The following FAM110D variants were observed in gnomAD, a reference collection of about 807,000 sequenced individuals.
The protein encoded by FAM110D is protein FAM110D.
For synonymous variants in FAM110D, 174 were observed against 189.4 expected (o/e 0.92, Z 0.67); for missense variants, 376 against 395.6 (o/e 0.95, Z 0.42).
chr1:26,161,999 G>A lies in FAM110D; in HGVS notation c.708G>A (p.Ala236=). 8.1e-7 allele frequency: 1 copy of A among 1,235,726 alleles called. No homozygotes were observed. The highest frequency in any genetic ancestry group is 1.0e-6 in the Non-Finnish European group (1 of 993,312). 76.5% of individuals were successfully genotyped at this position (1,235,726 alleles called of 1,614,324 possible). Residue 236 remains alanine, a synonymous_variant, in exon 2 of 2, where the codon GCG becomes GCA. Transcript: ENST00000374268. The surrounding 1 kb of genome is among the most constrained non-coding windows in gnomAD (Gnocchi z 5.4). The part of the protein sequence containing the change: ...GGGGSEAAGS[A]RDRRPPVSVV... ...GCGGCTCGGAGGCAGCGGGCTCGGC[G>A]CGGGACCGGCGCCCCCCGGTGTCGG...
rs1480955400 is a variant in FAM110D, at chr1:26,161,952, C to CCGGGCGGCG, written c.671_679dup (p.Ala224_Gly226dup). The CCGGGCGGCG allele has an allele frequency of 4.3e-5, 54 of 1,252,518 alleles. No homozygotes were observed. Among genetic ancestry groups the CCGGGCGGCG allele is most frequent in the Non-Finnish European group, 5.1e-5 (51 of 1,003,650 alleles). 77.6% of individuals were successfully genotyped at this position (1,252,518 alleles called of 1,614,324 possible). The stretch of plus-strand genomic sequence containing the variant: ...ATCCAGCGACAGGGGCGTGGACAGC[C>CCGGGCGGCG]CGGGCGGCGCGGGCGGCGGCGGCGG... On this transcript the variant is annotated inframe_insertion, in exon 2 of 2. Coordinates refer to ENST00000374268, the MANE Select transcript of FAM110D (RefSeq NM_024869.3). The surrounding 1 kb of genome is among the most constrained non-coding windows in gnomAD (Gnocchi z 5.4).
rs79096711 is a variant in FAM110D, at chr1:26,160,071, A to G, written c.-81+945A>G. ...TTATAGCAGCGGGAATACACGCAAA[A>G]TATCAGTGAGTTCTTTTTTTTTTTC... On this transcript the variant is annotated intron_variant, in intron 1 of 1. Transcript: ENST00000374268. 7.1e-3 allele frequency among the ~76,000 whole-genome samples: 1,083 copies of G among 151,908 alleles called. 23 individuals are homozygous for G. Among genetic ancestry groups the G allele is most frequent in the Admixed American group, 0.039 (590 of 15,248 alleles).
In FAM110D at chr1:26,161,756, C is replaced by G; in HGVS notation, c.465C>G (p.Cys155Trp). The G allele has an allele frequency of 6.5e-7, 1 of 1,549,324 alleles. No individual in the cohort carries two copies. Among genetic ancestry groups the G allele is most frequent in the Non-Finnish European group, 8.7e-7 (1 of 1,146,980 alleles). The change falls in exon 2 of 2, where the codon TGC becomes TGG. Residue 155 changes from cysteine (C) to tryptophan (W), a missense_variant. Transcript: ENST00000374268. This position sits in a 1 kb window ranked among gnomAD's most constrained non-coding sequence, Gnocchi z 5.4. Reference protein sequence around the residue: ...AAGKRALCPTCSLPLSEKERF... With the variant: ...AAGKRALCPTWSLPLSEKERF... ...GAAAGCGGGCGCTGTGTCCCACGTG[C>G]TCGCTGCCCCTGTCGGAGAAGGAGC...
intron 1 of FAM110D, among the ~76,000 whole-genome samples, chr1:26,160,124 C>T (rs545023970): frequency 5.3e-5 from 8 of 150,274 alleles, no homozygotes; most frequent in African/African-American, 2.0e-4. Context: ...CGGAGTCTCG[C>T]TCTGTTGCCC....
At position 26,161,391 on chromosome 1, in the gene FAM110D, G is replaced by T. The variant is rs752075305; in HGVS notation, c.100G>T (p.Val34Leu). Reference sequence around the variant, plus strand: ...AGCCAAGTATGTCAAGACGCACCAGGTGATAGCTAGGCGACAGGAGCCAGC... The same window carrying T: ...AGCCAAGTATGTCAAGACGCACCAGTTGATAGCTAGGCGACAGGAGCCAGC... The part of the protein sequence containing the change: ...DKAKYVKTHQ[V>L]IARRQEPALR... The change falls in exon 2 of 2, where the codon GTG (valine) becomes TTG (leucine). Residue 34 changes from valine to leucine, a missense_variant. Transcript: ENST00000374268. The surrounding 1 kb of genome is among the most constrained non-coding windows in gnomAD (Gnocchi z 5.4). The T allele has an allele frequency of 1.9e-6, 3 of 1,598,812 alleles. No individual in the cohort carries two copies. Among genetic ancestry groups the T allele is most frequent in the South Asian group, 2.3e-5 (2 of 88,682 alleles).
At position 26,163,674 on chromosome 1, in the gene FAM110D, T is replaced by C. The variant is rs535898181; in HGVS notation, c.*1567T>C. The C allele has an allele frequency of 6.5e-6, 1 of 153,146 alleles. No homozygotes were observed. The highest frequency in any genetic ancestry group is 2.1e-4 in the South Asian group (1 of 4,822). The allele number at this position is 153,146 out of a possible 1,614,324, so 9.5% of individuals were successfully genotyped here. A position where few individuals can be genotyped will look rare whatever the true frequency, so the allele number is the denominator to read the frequency against. ...CTTCCTTCTCGGAGATAACGTATAT[T>C]CTCCTCCAGGAAGCCGTCCTGAATG... On this transcript the variant is annotated 3_prime_UTR_variant, in exon 2 of 2. Transcript: ENST00000374268.
At position 26,161,241 on chromosome 1, in the gene FAM110D, G is replaced by A. The variant is rs766951739; in HGVS notation, c.-51G>A. The stretch of plus-strand genomic sequence containing the variant: ...GTGAGAGCCCAAGCCAATTGCTCTA[G>A]GCCCCGTGGCTGGCTACTTATGGGG... On this transcript the variant is annotated 5_prime_UTR_variant, in exon 2 of 2. Coordinates refer to ENST00000374268, the MANE Select transcript of FAM110D (RefSeq NM_024869.3). This position sits in a 1 kb window ranked among gnomAD's most constrained non-coding sequence, Gnocchi z 5.4. 1.4e-5 allele frequency: 20 copies of A among 1,466,304 alleles called. No individual in the cohort carries two copies. In the African/African-American group the frequency reaches 2.3e-4, roughly 17 times the overall value. 90.8% of individuals were successfully genotyped at this position (1,466,304 alleles called of 1,614,324 possible). A position where few individuals can be genotyped will look rare whatever the true frequency, so the allele number is the denominator to read the frequency against.
Position 26,162,300 on chromosome 1 carries a change from C to T in FAM110D, c.*193C>T, listed in dbSNP as rs76619580. The T allele has an allele frequency of 7.5e-4, 291 of 389,176 alleles. 2 individuals carry two copies. Among genetic ancestry groups the T allele is most frequent in the African/African-American group, 5.1e-3 (242 of 47,594 alleles). 24.1% of individuals were successfully genotyped at this position (389,176 alleles called of 1,614,324 possible). On this transcript the variant is annotated 3_prime_UTR_variant, in exon 2 of 2. Coordinates refer to ENST00000374268, the MANE Select transcript of FAM110D (RefSeq NM_024869.3). The surrounding 1 kb of genome is among the most constrained non-coding windows in gnomAD (Gnocchi z 5.3). ...CCGCGGCGAAGGGGGAGGGAGAGGC[C>T]TCTTGGTCCCTGTGGAGACCCGGTC...
Position 26,161,823 on chromosome 1 carries a change from G to C in FAM110D, c.532G>C (p.Val178Leu). Residue 178 changes from valine to leucine, a missense_variant, in exon 2 of 2, where the codon GTG becomes CTG. Coordinates refer to ENST00000374268, the MANE Select transcript of FAM110D (RefSeq NM_024869.3). The surrounding 1 kb of genome is among the most constrained non-coding windows in gnomAD (Gnocchi z 5.4). Reference sequence around the variant, plus strand: ...CGGCCTGGAGCGCGCGCTGGTGGAGGTGCTGGGCGCAGAGCGCTTCTCCCC... The same window carrying C: ...CGGCCTGGAGCGCGCGCTGGTGGAGCTGCTGGGCGCAGAGCGCTTCTCCCC... Reference protein sequence around the residue: ...YCGLERALVEVLGAERFSPQS... With the variant: ...YCGLERALVELLGAERFSPQS... 1 of 1,546,574 alleles carries C rather than the reference G, an allele frequency of 6.5e-7. No homozygotes were observed. Among genetic ancestry groups the C allele is most frequent in the Non-Finnish European group, 8.7e-7 (1 of 1,146,682 alleles).
Position 26,161,856 on chromosome 1 carries a change from TG to T in FAM110D, c.569del (p.Gly190GlufsTer165). On this transcript the variant is annotated frameshift_variant, in exon 2 of 2. Transcript: ENST00000374268. LOFTEE classifies it low-confidence loss of function (END_TRUNC). This position sits in a 1 kb window ranked among gnomAD's most constrained non-coding sequence, Gnocchi z 5.4. ...LGAERFSPQS[W>X]GADASPQAGT... ...CGCAGAGCGCTTCTCCCCGCAGAGC[TG>T]GGGAGCCGACGCCAGCCCGCAGGCC... The T allele has an allele frequency of 6.6e-7, 1 of 1,513,586 alleles. No individual in the cohort carries two copies. The allele number at this position is 1,513,586 out of a possible 1,614,324, so 93.8% of individuals were successfully genotyped here. A position where few individuals can be genotyped will look rare whatever the true frequency, so the allele number is the denominator to read the frequency against.
rs1375554512 is a variant in FAM110D, at chr1:26,161,569, G to A, written c.278G>A (p.Cys93Tyr). Residue 93 changes from cysteine (C) to tyrosine (Y), a missense_variant, in exon 2 of 2, where the codon TGC (cysteine) becomes TAC (tyrosine). Coordinates refer to ENST00000374268, the MANE Select transcript of FAM110D (RefSeq NM_024869.3). The surrounding 1 kb of genome is among the most constrained non-coding windows in gnomAD (Gnocchi z 5.4). ...SLIFYRQKRD[C>Y]KASVNKENAK... The stretch of plus-strand genomic sequence containing the variant: ...ATCTTCTACCGCCAGAAGCGGGACT[G>A]CAAGGCTTCGGTGAACAAAGAGAAC... 1.3e-6 allele frequency: 2 copies of A among 1,550,300 alleles called. No individual in the cohort carries two copies. The highest frequency in any genetic ancestry group is 2.7e-5 in the African/African-American group (2 of 73,074).
chr1:26,160,118 G>A (rs2124490651), intron 1 of FAM110D, among the ~76,000 whole-genome samples: 1 of 148,810 alleles, frequency 6.7e-6, no homozygotes, highest in South Asian at 2.1e-4. Flanking sequence ...TTGAGACGGA[G>A]TCTCGCTCTG....
Position 26,163,330 on chromosome 1 carries a change from CTCTTTTTTTTTTTT to C in FAM110D, c.*1225_*1238del, listed in dbSNP as rs1296280934. 1.9e-5 allele frequency: 1 copy of C among 52,066 alleles called. No homozygotes were observed. Among genetic ancestry groups the C allele is most frequent in the Non-Finnish European group, 4.1e-5 (1 of 24,634 alleles). The allele number at this position is 52,066 out of a possible 1,614,324, so 3.2% of individuals were successfully genotyped here. A position where few individuals can be genotyped will look rare whatever the true frequency, so the allele number is the denominator to read the frequency against. ...GTTCCTTTTCTCTCTGCTCTTCCTT[CTCTTTTTTTTTTTT>C]TTTTTTTTTTTTTTTTTTGAGACGG... On this transcript the variant is annotated 3_prime_UTR_variant, in exon 2 of 2. Coordinates refer to ENST00000374268, the MANE Select transcript of FAM110D (RefSeq NM_024869.3).
At chr1:26,159,390 G>T (rs1314712292) in intron 1 of FAM110D, among the ~76,000 whole-genome samples, 1 of 152,164 alleles carries the variant, frequency 6.6e-6, no homozygotes, top group East Asian at 1.9e-4. Context: ...GGCTGTGGAT[G>T]ACAGACTATT....
In FAM110D at chr1:26,163,607, G is replaced by A. The variant is rs1314196556; in HGVS notation, c.*1500G>A. On this transcript the variant is annotated 3_prime_UTR_variant, in exon 2 of 2. Transcript: ENST00000374268. ...GATCCGCCCGCCTCGGCCTCCCAAA[G>A]TGCTGGGATTACAGGCGTGAGCCAC... 3.7e-5 allele frequency: 1 copy of A among 26,930 alleles called. No homozygotes were observed. The highest frequency in any genetic ancestry group is 8.3e-5 in the African/African-American group (1 of 12,034). 1.7% of individuals were successfully genotyped at this position (26,930 alleles called of 1,614,324 possible).
intron 1 of FAM110D, among the ~76,000 whole-genome samples, chr1:26,159,846 G>A (rs1331682793): frequency 6.6e-6 from 1 of 152,098 alleles, no homozygotes; most frequent in African/African-American, 2.4e-5. Flanking sequence ...AGAACTGTCA[G>A]CTCTTGATTT....
rs1264302253 is a variant in FAM110D, at chr1:26,161,624, C to T, written c.333C>T (p.Leu111=). The change falls in exon 2 of 2, where the codon CTC becomes CTT. Residue 111 remains leucine (L), a synonymous_variant. Coordinates refer to ENST00000374268, the MANE Select transcript of FAM110D (RefSeq NM_024869.3). The surrounding 1 kb of genome is among the most constrained non-coding windows in gnomAD (Gnocchi z 5.4). ...NAKGQGLVRR[L]FLGAPRDAAP... ...AGGGCCAGGGTCTGGTGCGGCGCCTCTTTCTGGGTGCCCCGCGGGACGCTG... is the reference window on the plus strand; with the variant it reads ...AGGGCCAGGGTCTGGTGCGGCGCCTTTTTCTGGGTGCCCCGCGGGACGCTG... 6.4e-7 allele frequency: 1 copy of T among 1,551,180 alleles called. No individual in the cohort carries two copies. The highest frequency in any genetic ancestry group is 8.7e-7 in the Non-Finnish European group (1 of 1,147,558).
At position 26,161,644 on chromosome 1, in the gene FAM110D, A is replaced by C; in HGVS notation, c.353A>C (p.Asp118Ala). Residue 118 changes from aspartate (D) to alanine (A), a missense_variant, in exon 2 of 2, where the codon GAC becomes GCC. Coordinates refer to ENST00000374268, the MANE Select transcript of FAM110D (RefSeq NM_024869.3). The surrounding 1 kb of genome is among the most constrained non-coding windows in gnomAD (Gnocchi z 5.4). ...CGCCTCTTTCTGGGTGCCCCGCGGG[A>C]CGCTGCCCCGAGCAGCCCGGCCTCC... ...VRRLFLGAPRDAAPSSPASTE... is the reference protein window; with the variant it reads ...VRRLFLGAPRAAAPSSPASTE... The C allele has an allele frequency of 1.3e-6, 2 of 1,552,228 alleles. No homozygotes were observed. The highest frequency in any genetic ancestry group is 1.7e-6 in the Non-Finnish European group (2 of 1,148,156).
In FAM110D at chr1:26,161,939, G is replaced by C; in HGVS notation, c.648G>C (p.Arg216Ser). 1 of 1,298,014 alleles carries C rather than the reference G, an allele frequency of 7.7e-7. No individual in the cohort carries two copies. The highest frequency in any genetic ancestry group is 1.5e-5 in the African/African-American group (1 of 64,758). 80.4% of individuals were successfully genotyped at this position (1,298,014 alleles called of 1,614,324 possible). Reference protein sequence around the residue: ...GDASDWTSSDRGVDSPGGAGG... With the variant: ...GDASDWTSSDSGVDSPGGAGG... ...CCAGCGACTGGACATCCAGCGACAG[G>C]GGCGTGGACAGCCCGGGCGGCGCGG... Residue 216 changes from arginine (R) to serine (S), a missense_variant, in exon 2 of 2, where the codon AGG becomes AGC. Coordinates refer to ENST00000374268, the MANE Select transcript of FAM110D (RefSeq NM_024869.3). This position sits in a 1 kb window ranked among gnomAD's most constrained non-coding sequence, Gnocchi z 5.4.
Sources: allele counts gnomAD v4.1 joint callset (sites outside exome capture counted in the v4.1 genomes callset), GRCh38; gene constraint gnomAD v4.1.1; non-coding constraint Gnocchi (gnomAD v3.1); transcripts MANE v1.5; gene names NCBI Gene and HGNC (gene_info 2026-07-23, HGNC 2026-07-21).